The following RYR1 variants were observed in gnomAD, a reference collection of about 807,000 sequenced individuals.
RYR1 encodes ryanodine receptor 1, also known as central core disease of muscle.
A neutral mutation model predicts 583.5 loss-of-function variants in RYR1; 342 were observed. The observed-to-expected ratio is 0.59, with a 90% CI of 0.54 to 0.64. The LOEUF is 0.64. Among genes scored for constraint, RYR1 ranks in the 30% least tolerant of loss-of-function variants. The probability of loss-of-function intolerance (pLI) is 0.00; values close to 1 mark genes in which losing one functional copy is unlikely to be tolerated. For missense variants in RYR1, 6,032 were observed against 6,917.2 expected (o/e 0.87, Z 4.54); for synonymous variants, 2,791 against 2,822.5 (o/e 0.99, Z 0.35).
intron 89 of RYR1, among the ~76,000 whole-genome samples, chr19:38,551,226 A>G (rs1432959919): frequency 6.6e-6 from 1 of 150,704 alleles, no homozygotes. Flanking sequence ...TTGTATTTTT[A>G]GTAGAGACGG....
rs34878100 is a variant in RYR1, at chr19:38,522,620, AAGAG to A, written c.10260-392_10260-389del. On this transcript the variant is annotated intron_variant, in intron 67 of 105. Transcript: ENST00000359596. ...TGAGACCCTGTCTCAGAAAGAAAGA[AAGAG>A]AGAGAGAGAGAGAGAATGGATCGTT... Among the ~76,000 whole-genome samples, 17 of 148,952 alleles carry A rather than the reference AAGAG, an allele frequency of 1.1e-4. No homozygotes were observed. The East Asian group carries it at 1.6e-3, about 14-fold the overall frequency.
rs1971542728 is a variant in RYR1, at chr19:38,527,867, T to G, written c.10824+83T>G. ...AGGGGCTTCAAGGATGTGGGTGGGG[T>G]CTGGAGATGACTATTAAGTTTTGGG... On this transcript the variant is annotated intron_variant, in intron 73 of 105. Transcript: ENST00000359596. 2.6e-6 allele frequency: 4 copies of G among 1,526,912 alleles called. No individual in the cohort carries two copies. The Admixed American group carries it at 6.9e-5, about 26-fold the overall frequency. 94.6% of individuals were successfully genotyped at this position (1,526,912 alleles called of 1,614,324 possible).
At chr19:38,446,839 G>A in intron 9 of RYR1, 71 bp downstream of exon 9, 1 of 1,212,862 alleles carries the variant, frequency 8.2e-7, no homozygotes, top group Non-Finnish European at 1.2e-6. Flanking sequence ...GGACAGAAAA[G>A]GTCTTGAGGG....
chr19:38,482,652 G>A (rs774351872), intron 31 of RYR1, among the ~76,000 whole-genome samples: 43 of 152,050 alleles, frequency 2.8e-4, no homozygotes, highest in Middle Eastern at 3.2e-3. Flanking sequence ...GTCTCACTAC[G>A]TTGCCCAGGC....
intron 101 of RYR1, among the ~76,000 whole-genome samples, chr19:38,581,582 T>C (rs894339384): frequency 2.0e-5 from 3 of 151,868 alleles, no homozygotes; most frequent in Non-Finnish European, 4.4e-5. Context: ...GTTTCAATAT[T>C]ATTTGAGCTG....
chr19:38,515,075 C>G lies in RYR1; in HGVS notation c.9522C>G (p.Ser3174=), dbSNP rs1232228230. The G allele has an allele frequency of 6.2e-7, 1 of 1,613,684 alleles. No homozygotes were observed. Among genetic ancestry groups the G allele is most frequent in the South Asian group, 1.1e-5 (1 of 91,014 alleles). ...ACCGAACGCTGTGCAGTATCTACTC[C>G]CTGGGAACCACCAAGAACACTTATG... is the stretch of plus-strand genomic sequence containing the variant. ...SCYRTLCSIY[S]LGTTKNTYVE... Residue 3174 remains serine, a synonymous_variant, in exon 64 of 106, where the codon TCC becomes TCG. Transcript: ENST00000359596.
rs151119428 is a variant in RYR1, at chr19:38,561,383, G to A, written c.12553G>A (p.Ala4185Thr). 6.6e-4 allele frequency: 1,067 copies of A among 1,613,464 alleles called. No homozygotes were observed. Among genetic ancestry groups the A allele is most frequent in the Non-Finnish European group, 8.4e-4 (994 of 1,180,002 alleles). Residue 4185 changes from alanine (A) to threonine (T), a missense_variant, in exon 90 of 106, where the codon GCG (alanine) becomes ACG (threonine). Physicochemically the swap from Ala to Thr is moderately conservative, Grantham distance 58. Coordinates refer to ENST00000359596, the MANE Select transcript of RYR1 (RefSeq NM_000540.3). The surrounding 1 kb of genome is among the most constrained non-coding windows in gnomAD (Gnocchi z 4.8). ...PYLGRIEIMG[A>T]SRRIERIYFE... is the part of the protein sequence containing the mutation. ...CCTGGGCCGCATCGAGATCATGGGCGCGTCACGCCGCATCGAGCGCATCTA... is the reference window on the plus strand; with the variant it reads ...CCTGGGCCGCATCGAGATCATGGGCACGTCACGCCGCATCGAGCGCATCTA...
chr19:38,582,935 A>T (rs544209149), intron 101 of RYR1, among the ~76,000 whole-genome samples: 35 of 152,208 alleles, frequency 2.3e-4, no homozygotes, highest in Non-Finnish European at 4.1e-4. Flanking sequence ...CCTCGTTCTC[A>T]TTATAGTCAC....
intron 89 of RYR1, among the ~76,000 whole-genome samples, chr19:38,560,729 C>CAA (rs765130460): frequency 0.094 from 3,505 of 37,280 alleles, 199 homozygotes; most frequent in Non-Finnish European, 0.13. Context: ...AACTCCGTCT[C>CAA]AAAAAAAAAA....
chr19:38,505,423 T>A, intron 53 of RYR1, 25 bp downstream of exon 53: 24 of 1,538,216 alleles, frequency 1.6e-5, no homozygotes, highest in Non-Finnish European at 2.1e-5. Flanking sequence ...GGGCCCAGCA[T>A]TGAGGGTCAA....
intron 30 of RYR1, 102 bp from the exon 31 acceptor site, chr19:38,478,333 G>A: frequency 1.5e-6 from 2 of 1,306,480 alleles, no homozygotes; most frequent in South Asian, 1.2e-5. Flanking sequence ...GTTTGGGGAT[G>A]GGACTCTGAG....
chr19:38,495,633 C>G (rs1187628556), intron 39 of RYR1, among the ~76,000 whole-genome samples: 2 of 152,166 alleles, frequency 1.3e-5, no homozygotes, highest in Admixed American at 6.5e-5. Context: ...AAGGCAAAAG[C>G]CACCATGCTG....
chr19:38,543,879 C>T lies in RYR1; in HGVS notation c.12012+4C>T. 1 of 1,612,250 alleles carries T rather than the reference C, an allele frequency of 6.2e-7. No homozygotes were observed. Among genetic ancestry groups the T allele is most frequent in the Non-Finnish European group, 8.5e-7 (1 of 1,179,660 alleles). ...CATGATGATGAAGCTCGCTCAGGTT[C>T]GAGCCCCTCTGGTCTCCATCCACCT... is the stretch of plus-strand genomic sequence containing the variant. On this transcript the variant is annotated splice_donor_region_variant and intron_variant, in intron 87 of 105. Transcript: ENST00000359596. The surrounding 1 kb of genome is among the most constrained non-coding windows in gnomAD (Gnocchi z 4.4).
intron 93 of RYR1, among the ~76,000 whole-genome samples, chr19:38,568,581 C>CAAAAAAAAAA (rs59369147): frequency 4.0e-4 from 26 of 64,620 alleles, no homozygotes; most frequent in African/African-American, 7.1e-4. Context: ...ACTAAAAATA[C>CAAAAAAAAAA]AAAAAAAAAA....
In RYR1 at chr19:38,483,127, G is replaced by A; in HGVS notation, c.4707+14G>A. On this transcript the variant is annotated intron_variant, in intron 32 of 105. Coordinates refer to ENST00000359596, the MANE Select transcript of RYR1 (RefSeq NM_000540.3). The surrounding 1 kb of genome is among the most constrained non-coding windows in gnomAD (Gnocchi z 6.3). ...GGGAAGCAGAAGGTACAAGTGCAGT[G>A]ATGGGGGCACTAATGGGGCCAGGCT... 2.5e-6 allele frequency: 4 copies of A among 1,612,162 alleles called. No individual in the cohort carries two copies. Among genetic ancestry groups the A allele is most frequent in the Non-Finnish European group, 2.5e-6 (3 of 1,178,208 alleles).
intron 90 of RYR1, 26 bp from the exon 91 acceptor site, chr19:38,564,933 A>C (rs749400859): frequency 1.3e-6 from 2 of 1,560,264 alleles, no homozygotes; most frequent in Non-Finnish European, 1.7e-6. Context: ...ACGGCGCCCT[A>C]TCCTGTCTGC....
At chr19:38,580,899 AT>A (rs74176451) in intron 101 of RYR1, among the ~76,000 whole-genome samples, 6,843 of 132,678 alleles carry the variant, frequency 0.052, 256 homozygotes, top group African/African-American at 0.13. Context: ...TGCCAGGCAC[AT>A]TTTTTTTTTT....
chr19:38,572,414 G>A (rs1973762910), intron 95 of RYR1, 144 bp downstream of exon 95: 1 of 1,021,676 alleles, frequency 9.8e-7, no homozygotes, highest in Admixed American at 2.2e-5. Flanking sequence ...CTGGGGAACT[G>A]GGTACAGGAT....
At position 38,499,202 on chromosome 19, in the gene RYR1, A is replaced by C; in HGVS notation, c.6986A>C (p.Glu2329Ala). The C allele has an allele frequency of 6.2e-7, 1 of 1,614,130 alleles. No homozygotes were observed. Among genetic ancestry groups the C allele is most frequent in the Non-Finnish European group, 8.5e-7 (1 of 1,180,008 alleles). ...ATTGGCTGGAACCCCTGTGGTGGAGAGCGCTACCTGGACTTCCTGCGCTTT... is the reference window on the plus strand; with the variant it reads ...ATTGGCTGGAACCCCTGTGGTGGAGCGCGCTACCTGGACTTCCTGCGCTTT... Reference protein sequence around the residue: ...PDIGWNPCGGERYLDFLRFAV... With the variant: ...PDIGWNPCGGARYLDFLRFAV... The change falls in exon 43 of 106, where the codon GAG becomes GCG. Residue 2329 changes from glutamate (E) to alanine (A), a missense_variant. Glu to Ala is a moderately radical substitution (Grantham distance 107). Coordinates refer to ENST00000359596, the MANE Select transcript of RYR1 (RefSeq NM_000540.3). The surrounding 1 kb of genome is among the most constrained non-coding windows in gnomAD (Gnocchi z 7.3).
Sources: gnomAD v4.1 joint callset for allele counts (sites outside exome capture counted in the v4.1 genomes callset) on GRCh38, gnomAD v4.1.1 for gene constraint, Gnocchi (gnomAD v3.1) non-coding constraint, MANE v1.5 for transcripts, NCBI Gene and HGNC (gene_info 2026-07-23, HGNC 2026-07-21) for gene names.